Variants in ANKFN1 observed in about 807,000 individuals in gnomAD.
ANKFN1 encodes ankyrin repeat and fibronectin type-III domain-containing protein 1.
Under a neutral mutation model 108.7 loss-of-function variants are expected in ANKFN1, and 74 were observed. The observed-to-expected ratio is 0.68, with a 90% CI of 0.56 to 0.83. The LOEUF is 0.83. Among genes scored for constraint, ANKFN1 ranks in the 40% least tolerant of loss-of-function variants. ANKFN1 has a pLI of 0.00. For synonymous variants in ANKFN1, 547 were observed against 516.2 expected, an observed-to-expected ratio of 1.06 and a Z score of -0.81; for missense variants, 1,505 against 1,382.3, an observed-to-expected ratio of 1.09 and a Z score of -1.41.
intron 4 of ANKFN1, among the ~76,000 whole-genome samples, chr17:56,073,950 T>G (rs1905149989): frequency 6.6e-6 from 1 of 152,244 alleles, no homozygotes; most frequent in Non-Finnish European, 1.5e-5. Context: ...ATTGTGTTAC[T>G]TGAGCATTTG....
chr17:56,391,171 C>A (rs1408181885), intron 8 of ANKFN1, among the ~76,000 whole-genome samples: 1 of 144,370 alleles, frequency 6.9e-6, no homozygotes, highest in African/African-American at 2.7e-5. Context: ...CTTCTAAGAC[C>A]AATCAAATCT....
intron 15 of ANKFN1, chr17:56,471,292 A>G (rs1201200147): frequency 8.4e-6 from 1 of 119,250 alleles, no homozygotes; most frequent in Non-Finnish European, 1.6e-5. Flanking sequence ...ATCCTTTGTG[A>G]TCCTAGGGAA....
chr17:56,107,992 G>A (rs142602591), intron 4 of ANKFN1, among the ~76,000 whole-genome samples: 66 of 152,168 alleles, frequency 4.3e-4, no homozygotes, highest in African/African-American at 1.5e-3. Context: ...CTCCCAAGTG[G>A]CTGGGACTAC....
intron 3 of ANKFN1, among the ~76,000 whole-genome samples, chr17:56,283,813 A>C (rs1165872469): frequency 2.0e-5 from 3 of 152,066 alleles, no homozygotes; most frequent in African/African-American, 4.8e-5. Flanking sequence ...TGATGGGTGC[A>C]CCAAAATCTC....
At chr17:56,401,135 T>C (rs1330090834) in intron 8 of ANKFN1, among the ~76,000 whole-genome samples, 2 of 152,130 alleles carry the variant, frequency 1.3e-5, no homozygotes, top group African/African-American at 4.8e-5. Flanking sequence ...ATGATGGTGG[T>C]ATTTTGATGT....
At chr17:56,278,134 A>G (rs527326899) in intron 3 of ANKFN1, among the ~76,000 whole-genome samples, 2 of 152,234 alleles carry the variant, frequency 1.3e-5, no homozygotes, top group Non-Finnish European at 2.9e-5. Flanking sequence ...ACCTATCCAC[A>G]ACAATATCAG....
intron 9 of ANKFN1, among the ~76,000 whole-genome samples, chr17:56,441,267 TA>T (rs1257793644): frequency 6.6e-6 from 1 of 152,176 alleles, no homozygotes; most frequent in Admixed American, 6.6e-5. Flanking sequence ...AGTAGAGGGA[TA>T]ATTTTGTTAT....
intron 4 of ANKFN1, among the ~76,000 whole-genome samples, chr17:56,130,656 G>A (rs1431050306): frequency 6.6e-6 from 1 of 152,120 alleles, no homozygotes; most frequent in Non-Finnish European, 1.5e-5. Flanking sequence ...TTACTGGATT[G>A]AAGGATATTT....
chr17:56,373,996 G>A (rs9908169), intron 7 of ANKFN1, among the ~76,000 whole-genome samples: 120,492 of 152,104 alleles, frequency 0.79, 48,057 homozygotes, highest in East Asian at 0.96. Context: ...TTTTTTTCTC[G>A]GAAAATACTG....
At chr17:56,269,763 G>A (rs987838757) in intron 3 of ANKFN1, among the ~76,000 whole-genome samples, 1 of 152,186 alleles carries the variant, frequency 6.6e-6, no homozygotes, top group African/African-American at 2.4e-5. Flanking sequence ...CATACATCAA[G>A]CAGCTTTCAC....
chr17:56,147,758 C>G (rs147865074), intron 4 of ANKFN1, among the ~76,000 whole-genome samples: 75 of 152,266 alleles, frequency 4.9e-4, no homozygotes, highest in African/African-American at 1.7e-3. Context: ...GTTATTTCAT[C>G]TTCAGAAGAT....
Position 56,511,208 on chromosome 17 carries a change from A to C in ANKFN1, c.3380A>C (p.Asp1127Ala), listed in dbSNP as rs1334459209. ...RITLPSPTGP[D>A]VSQEGPTASP... ...ACCCTGCCCAGCCCCACTGGCCCCGATGTGAGTCAGGAGGGCCCCACCGCC... is the reference window on the plus strand; with the variant it reads ...ACCCTGCCCAGCCCCACTGGCCCCGCTGTGAGTCAGGAGGGCCCCACCGCC... Residue 1127 changes from aspartate (D) to alanine (A), a missense_variant, in exon 21 of 21, where the codon GAT (aspartate) becomes GCT (alanine). Coordinates refer to ENST00000682825, the MANE Select transcript of ANKFN1 (RefSeq NM_001370326.1). 1 of 1,535,064 alleles carries C rather than the reference A, an allele frequency of 6.5e-7. No individual in the cohort carries two copies. Among genetic ancestry groups the C allele is most frequent in the Non-Finnish European group, 8.7e-7 (1 of 1,146,386 alleles).
chr17:56,375,070 G>A (rs2046909678), intron 8 of ANKFN1, among the ~76,000 whole-genome samples: 1 of 152,136 alleles, frequency 6.6e-6, no homozygotes, highest in East Asian at 1.9e-4. Context: ...GTTGTGATAT[G>A]GAACATACTA....
At chr17:56,133,576 A>G (rs889323207) in intron 4 of ANKFN1, among the ~76,000 whole-genome samples, 2 of 146,970 alleles carry the variant, frequency 1.4e-5, no homozygotes, top group African/African-American at 5.0e-5. Flanking sequence ...GTGTGTGTAC[A>G]CATATCTATA....
In ANKFN1 at chr17:56,374,428, A is replaced by G. The variant is rs184553484; in HGVS notation, c.797-173A>G. On this transcript the variant is annotated intron_variant, in intron 7 of 20. Transcript: ENST00000682825. ...ATGCTCAAATAAGACCCCAATGGCAACAAATAAAAGCCATTGAGACGTCTA... is the reference window on the plus strand; with the variant it reads ...ATGCTCAAATAAGACCCCAATGGCAGCAAATAAAAGCCATTGAGACGTCTA... Among the ~76,000 whole-genome samples, 12 of 152,354 alleles carry G rather than the reference A, an allele frequency of 7.9e-5. 1 individual carries two copies. In the South Asian group the frequency reaches 1.7e-3, roughly 21 times the overall value.
intron 8 of ANKFN1, among the ~76,000 whole-genome samples, chr17:56,415,951 C>T (rs746295324): frequency 7.2e-5 from 11 of 152,042 alleles, no homozygotes; most frequent in Non-Finnish European, 1.3e-4. Context: ...AAGCCAAGAA[C>T]GTACATTGGA....
rs1217129355 is a variant in ANKFN1, at chr17:56,510,500, C to G, written c.2672C>G (p.Ala891Gly). ...TCACAGCCCTGCTCTGATGAAGAAG[C>G]CTGCTCAGAAGTCTTCCTCCCCACC... is the stretch of plus-strand genomic sequence containing the variant. ...SDSQPCSDEE[A>G]CSEVFLPTNS... The change falls in exon 21 of 21, where the codon GCC (alanine) becomes GGC (glycine). Residue 891 changes from alanine (A) to glycine (G), a missense_variant. By Grantham distance (60) the Ala-to-Gly change is moderately conservative. Coordinates refer to ENST00000682825, the MANE Select transcript of ANKFN1 (RefSeq NM_001370326.1). The G allele has an allele frequency of 1.3e-6, 2 of 1,536,146 alleles. No individual in the cohort carries two copies. The highest frequency in any genetic ancestry group is 1.2e-5 in the South Asian group (1 of 84,060).
intron 4 of ANKFN1, among the ~76,000 whole-genome samples, chr17:56,059,091 C>T (rs890443844): frequency 6.6e-6 from 1 of 152,220 alleles, no homozygotes; most frequent in African/African-American, 2.4e-5. Context: ...GCCTCACCAG[C>T]ATCTATTGGT....
chr17:56,298,023 C>A (rs867889894), intron 3 of ANKFN1, among the ~76,000 whole-genome samples: 1 of 152,122 alleles, frequency 6.6e-6, no homozygotes, highest in Admixed American at 6.5e-5. Flanking sequence ...GAGTGCGGTC[C>A]ATGGACTAGA....
Sources: gnomAD v4.1 joint callset for allele counts (sites outside exome capture counted in the v4.1 genomes callset) on GRCh38, gnomAD v4.1.1 for gene constraint, MANE v1.5 for transcripts, NCBI Gene and HGNC (gene_info 2026-07-23, HGNC 2026-07-21) for gene names.